HDAC8: variants seen among roughly 807,000 people sequenced by gnomAD.
The protein encoded by HDAC8 is histone deacetylase-like 1.
In HDAC8, 1 loss-of-function variant was observed where a neutral mutation model predicts 32.2. The ratio of observed to expected loss-of-function variants is 0.03; its 90% CI spans 0.01 to 0.15. The LOEUF (loss-of-function observed/expected upper bound fraction) is 0.15. Among genes scored for constraint, HDAC8 ranks in the 10% least tolerant of loss-of-function variants. HDAC8 has a pLI of 1.00. For missense variants in HDAC8, 117 were observed against 300.0 expected (o/e 0.39, Z 4.51); for synonymous variants, 108 against 113.9 (o/e 0.95, Z 0.33).
intron 7 of HDAC8, chrX:72,468,005 G>A (rs1484155624): frequency 2.5e-6 from 3 of 1,188,659 alleles, no homozygotes; most frequent in Non-Finnish European, 3.4e-6. Context: ...TTCTGATAAA[G>A]AGGGCTCTGG....
At chrX:72,338,640 G>GATATAT (rs10632029) in intron 10 of HDAC8, among the ~76,000 whole-genome samples, 1,489 of 91,689 alleles carry the variant, frequency 0.016, 28 homozygotes, top group African/African-American at 0.056. Context: ...TAGTCACCTT[G>GATATAT]ATATATATAT....
At chrX:72,394,637 C>A (rs1471466938) in intron 9 of HDAC8, among the ~76,000 whole-genome samples, 1 of 111,953 alleles carries the variant, frequency 8.9e-6, no homozygotes, top group African/African-American at 3.2e-5. Context: ...ACGCTGGGGG[C>A]GGGGCAGTGC....
intron 9 of HDAC8, among the ~76,000 whole-genome samples, chrX:72,419,245 T>A (rs1038040200): frequency 1.8e-5 from 2 of 111,824 alleles, no homozygotes; most frequent in South Asian, 3.7e-4. Context: ...TGTCTTCCAA[T>A]CAATGAACAT....
intron 4 of HDAC8, among the ~76,000 whole-genome samples, chrX:72,560,268 C>T (rs78845271): frequency 1.7e-4 from 17 of 99,948 alleles, no homozygotes; most frequent in Admixed American, 4.3e-4. Context: ...TTACCCCCAA[C>T]CCCGTGCTCT....
intron 7 of HDAC8, chrX:72,467,917 A>G: frequency 8.7e-7 from 1 of 1,145,621 alleles, no homozygotes; most frequent in Non-Finnish European, 1.2e-6. Flanking sequence ...AGGAGAGAGG[A>G]AAGGATAAAG....
chrX:72,391,300 C>T (rs1365819236), intron 9 of HDAC8, among the ~76,000 whole-genome samples: 1 of 112,307 alleles, frequency 8.9e-6, no homozygotes. Context: ...TCACTCTTCA[C>T]AAGAGTAGGG....
chrX:72,348,231 A>G (rs1555947647), intron 10 of HDAC8, among the ~76,000 whole-genome samples: 1 of 112,104 alleles, frequency 8.9e-6, no homozygotes. Flanking sequence ...CCTCATTGCC[A>G]TCTTACCTCT....
At chrX:72,488,330 A>G (rs1281575125) in intron 7 of HDAC8, among the ~76,000 whole-genome samples, 5 of 110,859 alleles carry the variant, frequency 4.5e-5, no homozygotes, top group Non-Finnish European at 9.4e-5. Flanking sequence ...TTTTATGAAT[A>G]TGAGTTTAAC....
chrX:72,388,096 G>A (rs2045500079), intron 9 of HDAC8, among the ~76,000 whole-genome samples: 1 of 110,268 alleles, frequency 9.1e-6, no homozygotes, highest in South Asian at 3.9e-4. Flanking sequence ...TGGAATCAGA[G>A]TTTAGGGCAG....
At chrX:72,457,109 C>T (rs2047740470) in intron 9 of HDAC8, among the ~76,000 whole-genome samples, 1 of 110,932 alleles carries the variant, frequency 9.0e-6, no homozygotes, top group Admixed American at 9.6e-5. Context: ...AAGGAGGATA[C>T]CATATGATCA....
At chrX:72,475,585 T>C (rs1240682812) in intron 7 of HDAC8, among the ~76,000 whole-genome samples, 2 of 111,829 alleles carry the variant, frequency 1.8e-5, no homozygotes, top group Non-Finnish European at 3.8e-5. Context: ...TACAAATGGT[T>C]CAGGGATGCA....
chrX:72,455,736 G>A (rs1487354807), intron 9 of HDAC8, among the ~76,000 whole-genome samples: 2 of 111,880 alleles, frequency 1.8e-5, no homozygotes, highest in Admixed American at 9.5e-5. Flanking sequence ...GAGATCGGTG[G>A]TGAGATCAAT....
chrX:72,498,366 A>G (rs1217861737), intron 4 of HDAC8, among the ~76,000 whole-genome samples: 1 of 111,577 alleles, frequency 9.0e-6, no homozygotes, highest in Non-Finnish European at 1.9e-5. Context: ...TGTATGCTGT[A>G]TGGAACGTTT....
At chrX:72,557,443 T>C (rs974251270) in intron 4 of HDAC8, among the ~76,000 whole-genome samples, 4 of 111,601 alleles carry the variant, frequency 3.6e-5, no homozygotes, top group Admixed American at 2.9e-4. Flanking sequence ...TGCAAATACA[T>C]GGCAATTAAA....
At chrX:72,392,147 G>A (rs952273478) in intron 9 of HDAC8, among the ~76,000 whole-genome samples, 2 of 112,035 alleles carry the variant, frequency 1.8e-5, no homozygotes, top group African/African-American at 6.5e-5. Flanking sequence ...CTTAGGTCAA[G>A]TCTATATATA....
intron 1 of HDAC8, 31 bp from the exon 2 acceptor site, chrX:72,572,140 A>C: frequency 8.8e-7 from 1 of 1,130,770 alleles, no homozygotes; most frequent in South Asian, 2.0e-5. Flanking sequence ...AAAAAAAAAG[A>C]AAAGCAGAAA....
At chrX:72,412,029 A>G (rs1555970397) in intron 9 of HDAC8, among the ~76,000 whole-genome samples, 1 of 112,311 alleles carries the variant, frequency 8.9e-6, no homozygotes, top group African/African-American at 3.2e-5. Context: ...TTAATCTAAC[A>G]AATGGCTCCA....
At chrX:72,523,344 CT>C (rs2050038852) in intron 4 of HDAC8, among the ~76,000 whole-genome samples, 1 of 112,328 alleles carries the variant, frequency 8.9e-6, no homozygotes, top group Non-Finnish European at 1.9e-5. Flanking sequence ...ACGTCTTTGA[CT>C]GTTAGTGAAA....
chrX:72,422,978 T>C (rs1361357328), intron 9 of HDAC8, among the ~76,000 whole-genome samples: 4 of 111,810 alleles, frequency 3.6e-5, no homozygotes, highest in Non-Finnish European at 7.5e-5. Flanking sequence ...TAATATAATG[T>C]GGATGATGAA....
Sources: gnomAD v4.1 joint callset for allele counts (sites outside exome capture counted in the v4.1 genomes callset) on GRCh38, gnomAD v4.1.1 for gene constraint, MANE v1.5 for transcripts, NCBI Gene and HGNC (gene_info 2026-07-23, HGNC 2026-07-21) for gene names.